Variants in TMCO5A observed in about 807,000 individuals in gnomAD.
TMCO5A encodes transmembrane and coiled-coil domains 5A.
In TMCO5A, 34 loss-of-function variants were observed where a neutral mutation model predicts 42.3. The ratio of observed to expected loss-of-function variants is 0.80; its 90% CI spans 0.61 to 1.07. The LOEUF (loss-of-function observed/expected upper bound fraction) is 1.07. Among genes scored for constraint, TMCO5A ranks in the 50% least tolerant of loss-of-function variants. The pLI is 0.00. For missense variants in TMCO5A, 357 were observed against 327.9 expected (o/e 1.09, Z -0.69); for synonymous variants, 131 against 115.6 (o/e 1.13, Z -0.86).
the TMCO5A span, among the ~76,000 whole-genome samples, chr15:38,021,975 A>G: frequency 6.6e-6 from 1 of 151,936 alleles, no homozygotes. Context: ...AAGTCCAGCT[A>G]ATTTTTTTGT....
the TMCO5A span, among the ~76,000 whole-genome samples, chr15:38,034,543 G>A: frequency 0.018 from 2,719 of 152,194 alleles, 66 homozygotes; most frequent in African/African-American, 0.061. Context: ...CCCAGAGGCT[G>A]TTGCTCCTTA....
downstream of TMCO5A, among the ~76,000 whole-genome samples, chr15:37,968,077 G>A (rs1890598415): frequency 6.6e-6 from 1 of 152,190 alleles, no homozygotes; most frequent in Non-Finnish European, 1.5e-5. Context: ...TATGTGGTTT[G>A]CTGAGGCAGG....
intron 10 of TMCO5A, among the ~76,000 whole-genome samples, chr15:37,946,240 G>A (rs1231214901): frequency 6.6e-6 from 1 of 152,100 alleles, no homozygotes; most frequent in East Asian, 1.9e-4. Flanking sequence ...TTTTGTACTA[G>A]TACCACGCTG....
At chr15:37,996,387 C>G in the TMCO5A span, among the ~76,000 whole-genome samples, 5 of 152,152 alleles carry the variant, frequency 3.3e-5, no homozygotes, top group African/African-American at 1.2e-4. Flanking sequence ...TCAACGTGGG[C>G]GCCTTCCAGG....
chr15:37,977,695 C>A, the TMCO5A span, among the ~76,000 whole-genome samples: 1 of 152,224 alleles, frequency 6.6e-6, no homozygotes, highest in Non-Finnish European at 1.5e-5. Flanking sequence ...ATATCCACAG[C>A]CTTGGGGCAA....
chr15:38,018,076 A>G, the TMCO5A span, among the ~76,000 whole-genome samples: 1 of 152,142 alleles, frequency 6.6e-6, no homozygotes. Context: ...TTCATAAGTC[A>G]CCCAGTCTCA....
chr15:38,039,244 A>G, the TMCO5A span, among the ~76,000 whole-genome samples: 5 of 152,370 alleles, frequency 3.3e-5, no homozygotes, highest in African/African-American at 1.2e-4. Flanking sequence ...AATTCCAAAA[A>G]TAGAAGTGGT....
chr15:37,971,835 C>T (rs1308183129), downstream of TMCO5A, among the ~76,000 whole-genome samples: 3 of 152,128 alleles, frequency 2.0e-5, no homozygotes, highest in East Asian at 1.9e-4. Flanking sequence ...CATCTGAGAC[C>T]GCCTCAGCCT....
chr15:37,970,331 C>A (rs1186493063), downstream of TMCO5A, among the ~76,000 whole-genome samples: 2 of 152,118 alleles, frequency 1.3e-5, 1 homozygote, highest in African/African-American at 4.8e-5. Flanking sequence ...TTTTTAAAAC[C>A]ATCTGCTCTC....
chr15:38,035,303 C>T, the TMCO5A span, among the ~76,000 whole-genome samples: 1 of 152,158 alleles, frequency 6.6e-6, no homozygotes, highest in Non-Finnish European at 1.5e-5. Flanking sequence ...GGATGCCAGC[C>T]TCTGTATGTA....
intron 6 of TMCO5A, among the ~76,000 whole-genome samples, chr15:37,939,190 C>A (rs1889641315): frequency 1.3e-5 from 2 of 152,026 alleles, no homozygotes; most frequent in African/African-American, 4.8e-5. Context: ...CCAAAGCCTG[C>A]ACTTGGTTGT....
chr15:37,952,291 A>G (rs1299706742), downstream of TMCO5A, among the ~76,000 whole-genome samples: 6 of 152,082 alleles, frequency 3.9e-5, no homozygotes, highest in Non-Finnish European at 7.4e-5. Flanking sequence ...CCCAGGCAGC[A>G]CAGCTCATGG....
At chr15:37,986,382 TGTGTG>T in the TMCO5A span, among the ~76,000 whole-genome samples, 3 of 101,666 alleles carry the variant, frequency 3.0e-5, no homozygotes, top group African/African-American at 1.1e-4. Context: ...TAAGGGATGG[TGTGTG>T]TGTGTGTGTG....
At chr15:37,942,487 T>C (rs1889783108) in intron 9 of TMCO5A, 1 of 469,980 alleles carries the variant, frequency 2.1e-6, no homozygotes, top group African/African-American at 1.9e-5. Flanking sequence ...CCCTTCGTAA[T>C]GTTATCACAT....
At chr15:37,996,010 C>G in the TMCO5A span, among the ~76,000 whole-genome samples, 1 of 152,166 alleles carries the variant, frequency 6.6e-6, no homozygotes, top group Non-Finnish European at 1.5e-5. Flanking sequence ...CATCACTTAC[C>G]TAGGGGGACG....
chr15:37,964,084 G>A (rs1028599258), intron 11 of TMCO5A, among the ~76,000 whole-genome samples: 6 of 152,028 alleles, frequency 3.9e-5, no homozygotes, highest in South Asian at 2.1e-4. Context: ...TTGTTTTGTC[G>A]TATTACCAGA....
the TMCO5A span, among the ~76,000 whole-genome samples, chr15:37,991,887 C>G: frequency 6.6e-6 from 1 of 151,954 alleles, no homozygotes; most frequent in Admixed American, 6.6e-5. Context: ...AATGTAAAAC[C>G]CAAATATATA....
chr15:38,032,081 G>A, the TMCO5A span, among the ~76,000 whole-genome samples: 193 of 151,934 alleles, frequency 1.3e-3, no homozygotes, highest in African/African-American at 4.4e-3. Flanking sequence ...TCAGCTTCCC[G>A]AGTAGCTGGG....
In TMCO5A at chr15:37,961,740, G is replaced by A. The variant is rs147173894; in HGVS notation, c.669-4885G>A. ...GTGTTTTTCAGTTTTTCTTGTAGAGGTCTTTCACCTCCTTGTTTAGGTAAA... is the reference window on the plus strand; with the variant it reads ...GTGTTTTTCAGTTTTTCTTGTAGAGATCTTTCACCTCCTTGTTTAGGTAAA... On this transcript the variant is annotated intron_variant, in intron 11 of 11. Coordinates refer to the TMCO5A transcript ENST00000559502. 4.7e-3 allele frequency among the ~76,000 whole-genome samples: 721 copies of A among 151,944 alleles called. 4 individuals carry two copies. The highest frequency in any genetic ancestry group is 6.8e-3 in the Middle Eastern group (2 of 294).
Sources: gnomAD v4.1 joint callset for allele counts (sites outside exome capture counted in the v4.1 genomes callset) on GRCh38, gnomAD v4.1.1 for gene constraint, MANE v1.5 for transcripts, NCBI Gene and HGNC (gene_info 2026-07-23, HGNC 2026-07-21) for gene names.